The following AGBL1 variants were observed in gnomAD, a reference collection of about 807,000 sequenced individuals.
AGBL1 encodes cytosolic carboxypeptidase 4.
AGBL1 carries 130 observed loss-of-function variants against 118.9 expected under a neutral mutation model. The ratio of observed to expected loss-of-function variants is 1.09; its 90% CI spans 0.95 to 1.26. AGBL1 has a LOEUF of 1.26. Among genes scored for constraint, AGBL1 ranks in the 50% most tolerant of loss-of-function variants. The pLI is 0.00. For missense variants in AGBL1, 1,584 were observed against 1,298.1 expected, an observed-to-expected ratio of 1.22 and a Z score of -3.38; for synonymous variants, 555 against 478.9, an observed-to-expected ratio of 1.16 and a Z score of -2.08.
chr15:86,637,958 C>G (rs1300432750), intron 21 of AGBL1, among the ~76,000 whole-genome samples: 1 of 152,196 alleles, frequency 6.6e-6, no homozygotes. Flanking sequence ...TCTAGTTTCT[C>G]TATCCTTCTG....
chr15:87,018,513 G>A (rs1050051904), intron 24 of AGBL1, among the ~76,000 whole-genome samples: 4 of 152,028 alleles, frequency 2.6e-5, no homozygotes, highest in Admixed American at 2.0e-4. Context: ...GCCAAACTAA[G>A]CTTCATAAGA....
intron 24 of AGBL1, among the ~76,000 whole-genome samples, chr15:87,020,363 A>G (rs2196060): frequency 0.38 from 58,365 of 151,766 alleles, 11,741 homozygotes; most frequent in East Asian, 0.51. Context: ...AAAATAATAA[A>G]AGCCATATAT....
intron 5 of AGBL1, among the ~76,000 whole-genome samples, chr15:86,176,670 G>C (rs868460985): frequency 6.6e-6 from 1 of 152,198 alleles, no homozygotes; most frequent in South Asian, 2.1e-4. Flanking sequence ...CCCCAGGGCA[G>C]GATATCATCT....
chr15:86,630,391 G>A (rs899392652), intron 21 of AGBL1: 12 of 152,228 alleles, frequency 7.9e-5, no homozygotes, highest in Non-Finnish European at 1.3e-4. Flanking sequence ...CATTAATAAT[G>A]GAATGGAGAG....
chr15:86,881,115 C>G (rs1040025640), intron 22 of AGBL1, among the ~76,000 whole-genome samples: 1 of 152,202 alleles, frequency 6.6e-6, no homozygotes, highest in Non-Finnish European at 1.5e-5. Flanking sequence ...CCTCACCAGA[C>G]ATGCTAAGTT....
At chr15:86,153,963 G>A (rs767368162) in intron 3 of AGBL1, among the ~76,000 whole-genome samples, 2 of 152,000 alleles carry the variant, frequency 1.3e-5, no homozygotes, top group Admixed American at 6.6e-5. Flanking sequence ...TTAAAAATAC[G>A]TGTGTAATTT....
chr15:86,814,783 T>G (rs937925329), intron 22 of AGBL1, among the ~76,000 whole-genome samples: 1 of 152,220 alleles, frequency 6.6e-6, no homozygotes, highest in Non-Finnish European at 1.5e-5. Flanking sequence ...AATTTTTGAT[T>G]TCTTAAACAA....
At chr15:86,160,099 G>GTTT (rs1162570173) in intron 5 of AGBL1, among the ~76,000 whole-genome samples, 32 of 110,272 alleles carry the variant, frequency 2.9e-4, no homozygotes, top group African/African-American at 5.0e-4. Context: ...GGGAACTGTG[G>GTTT]TTTTTTTTTT....
intron 23 of AGBL1, chr15:86,939,193 T>G (rs894407507): frequency 6.6e-6 from 1 of 152,358 alleles, no homozygotes; most frequent in South Asian, 2.1e-4. Context: ...GATTAACATT[T>G]GAGTCAATGG....
rs1344359570 is a variant in AGBL1, at chr15:86,704,287, G to A, written c.3158+29851G>A. ...GCAACAAAAGGCAAAATTGGCAAAT[G>A]GCATCTAATTAAACTAAAAACCTTC... On this transcript the variant is annotated intron_variant, in intron 22 of 22. Transcript: ENST00000614907. Among the ~76,000 whole-genome samples, 3 of 152,160 alleles carry A rather than the reference G, an allele frequency of 2.0e-5. 1 individual carries two copies. Among genetic ancestry groups the A allele is most frequent in the Admixed American group, 1.3e-4 (2 of 15,264 alleles).
chr15:86,148,419 G>A (rs1374403750), intron 3 of AGBL1, among the ~76,000 whole-genome samples: 1 of 152,142 alleles, frequency 6.6e-6, no homozygotes, highest in East Asian at 1.9e-4. Context: ...AAACAGTGTG[G>A]AGGAGACCTT....
At chr15:86,976,795 T>A (rs1465922278) in intron 23 of AGBL1, among the ~76,000 whole-genome samples, 1 of 152,060 alleles carries the variant, frequency 6.6e-6, no homozygotes, top group African/African-American at 2.4e-5. Flanking sequence ...CACAGATAGA[T>A]ATGCTCATAT....
At chr15:86,375,094 G>A (rs1434293539) in intron 17 of AGBL1, among the ~76,000 whole-genome samples, 3 of 152,138 alleles carry the variant, frequency 2.0e-5, no homozygotes, top group African/African-American at 4.8e-5. Flanking sequence ...TTGACTTTTG[G>A]TCAGACCCAA....
intron 1 of AGBL1, among the ~76,000 whole-genome samples, chr15:86,084,107 C>T (rs78786684): frequency 0.013 from 2,024 of 152,198 alleles, 30 homozygotes; most frequent in South Asian, 0.075. Context: ...AGAGGAAACC[C>T]TATAAGGATG....
intron 21 of AGBL1, chr15:86,556,372 A>C: frequency 8.2e-7 from 1 of 1,215,366 alleles, no homozygotes; most frequent in Non-Finnish European, 1.2e-6. Flanking sequence ...AGAACTGGCT[A>C]GAGAAAGCCC....
intron 23 of AGBL1, among the ~76,000 whole-genome samples, chr15:86,930,888 TAG>T (rs1480649300): frequency 6.6e-6 from 1 of 152,132 alleles, no homozygotes; most frequent in Non-Finnish European, 1.5e-5. Context: ...TCAAGGAAGT[TAG>T]AGTTGCGAGA....
At chr15:86,135,317 G>A (rs2076874644) in intron 1 of AGBL1, among the ~76,000 whole-genome samples, 1 of 152,186 alleles carries the variant, frequency 6.6e-6, no homozygotes, top group Non-Finnish European at 1.5e-5. Flanking sequence ...CTGGGTCCAT[G>A]CTTCTTGTAC....
At chr15:86,526,949 A>G (rs1034834111) in intron 19 of AGBL1, among the ~76,000 whole-genome samples, 2 of 151,906 alleles carry the variant, frequency 1.3e-5, no homozygotes, top group Non-Finnish European at 2.9e-5. Context: ...CTTTACCACT[A>G]TAGAATTCAT....
At chr15:86,649,558 A>T (rs1418472211) in intron 21 of AGBL1, among the ~76,000 whole-genome samples, 1 of 152,206 alleles carries the variant, frequency 6.6e-6, no homozygotes, top group East Asian at 1.9e-4. Context: ...GTGGTAAGAC[A>T]GCAGAAGCTG....
Sources: gnomAD v4.1 joint callset for allele counts (sites outside exome capture counted in the v4.1 genomes callset) on GRCh38, gnomAD v4.1.1 for gene constraint, MANE v1.5 for transcripts, NCBI Gene and HGNC (gene_info 2026-07-23, HGNC 2026-07-21) for gene names.